PAX5: variants seen among roughly 807,000 people sequenced by gnomAD.
PAX5 encodes the protein paired box protein Pax-5.
In PAX5, 9 loss-of-function variants were observed where a neutral mutation model predicts 43.7. The observed-to-expected ratio is 0.21, with a 90% CI of 0.12 to 0.36. The LOEUF (loss-of-function observed/expected upper bound fraction) is 0.36, where lower values mean the gene tolerates loss of function less well. Ranked by LOEUF, PAX5 falls within the 10% of genes least tolerant of loss-of-function variation. The probability of loss-of-function intolerance (pLI) is 1.00; values close to 1 mark genes in which losing one functional copy is unlikely to be tolerated. For synonymous variants in PAX5, 228 were observed against 214.3 expected (o/e 1.06, Z -0.56); for missense variants, 383 against 532.7 (o/e 0.72, Z 2.77).
chr9:36,915,841 G>A (rs2131929518), intron 7 of PAX5, among the ~76,000 whole-genome samples: 1 of 152,244 alleles, frequency 6.6e-6, no homozygotes, highest in South Asian at 2.1e-4. Flanking sequence ...GGAGGCCAAG[G>A]TGAGAGAATC....
intron 8 of PAX5, among the ~76,000 whole-genome samples, chr9:36,860,120 C>T (rs1046906823): frequency 6.6e-6 from 1 of 151,540 alleles, no homozygotes; most frequent in African/African-American, 2.4e-5. Context: ...GGGTAGATCA[C>T]GAGGTCAGGA....
intron 6 of PAX5, among the ~76,000 whole-genome samples, chr9:36,931,762 T>G (rs1032354617): frequency 3.8e-4 from 58 of 150,852 alleles, no homozygotes; most frequent in African/African-American, 1.2e-3. Context: ...GGCAGGAGAA[T>G]TGCTTGAACC....
intron 7 of PAX5, among the ~76,000 whole-genome samples, chr9:36,889,941 C>CGGCG (rs1554657849): frequency 1.2e-4 from 11 of 92,178 alleles, no homozygotes; most frequent in Non-Finnish European, 1.5e-4. Context: ...TGTACACTAA[C>CGGCG]GGGGGGGGGG....
At chr9:36,876,621 T>A (rs973586504) in intron 8 of PAX5, among the ~76,000 whole-genome samples, 3 of 152,236 alleles carry the variant, frequency 2.0e-5, no homozygotes, top group African/African-American at 7.2e-5. Context: ...GTTACACCAA[T>A]CAAGACACTA....
At chr9:36,859,542 G>A (rs1344634783) in intron 8 of PAX5, among the ~76,000 whole-genome samples, 20 of 152,090 alleles carry the variant, frequency 1.3e-4, no homozygotes, top group Admixed American at 1.3e-3. Context: ...ATTCCTTTGG[G>A]GTTCTCTCTC....
intron 5 of PAX5, among the ~76,000 whole-genome samples, chr9:36,989,670 C>T (rs1836762589): frequency 6.6e-6 from 1 of 152,096 alleles, no homozygotes; most frequent in African/African-American, 2.4e-5. Context: ...GAAAGAGCTC[C>T]CTCCCCGTCT....
At chr9:36,970,227 G>C (rs373595798) in intron 5 of PAX5, among the ~76,000 whole-genome samples, 1 of 152,176 alleles carries the variant, frequency 6.6e-6, no homozygotes. Context: ...CCTGTGGGAG[G>C]AATCAGGGAA....
chr9:36,893,924 G>A (rs1256898258), intron 7 of PAX5, among the ~76,000 whole-genome samples: 5 of 152,222 alleles, frequency 3.3e-5, no homozygotes, highest in Non-Finnish European at 7.3e-5. Context: ...GGACAAACCA[G>A]TGTTTGACAA....
intron 3 of PAX5, 147 bp downstream of exon 3, chr9:37,014,850 G>A (rs985689286): frequency 1.6e-5 from 12 of 738,034 alleles, no homozygotes; most frequent in South Asian, 1.1e-4. Flanking sequence ...GACCGAGCAG[G>A]CCCCATTAGC....
At chr9:36,878,694 C>T (rs943310246) in intron 8 of PAX5, among the ~76,000 whole-genome samples, 1 of 152,142 alleles carries the variant, frequency 6.6e-6, no homozygotes, top group Admixed American at 6.5e-5. Context: ...AAAAGGTGGG[C>T]CCTCTCTGTT....
chr9:36,884,419 A>C (rs1376769963), intron 7 of PAX5, among the ~76,000 whole-genome samples: 3 of 152,244 alleles, frequency 2.0e-5, no homozygotes, highest in Non-Finnish European at 4.4e-5. Flanking sequence ...TAGAAAAGGC[A>C]TTGGCTAAAA....
At chr9:36,939,651 A>G (rs557486833) in intron 6 of PAX5, among the ~76,000 whole-genome samples, 5 of 152,344 alleles carry the variant, frequency 3.3e-5, no homozygotes, top group East Asian at 3.9e-4. Context: ...AAGTATGGCC[A>G]GCTCCTGACA....
intron 3 of PAX5, chr9:37,007,941 G>A (rs1252134772): frequency 2.6e-5 from 4 of 152,256 alleles, no homozygotes; most frequent in African/African-American, 4.8e-5. Flanking sequence ...GTATAGTGGT[G>A]CGATCTCAGT....
At chr9:37,005,147 G>A (rs1838284527) in intron 4 of PAX5, among the ~76,000 whole-genome samples, 2 of 152,138 alleles carry the variant, frequency 1.3e-5, no homozygotes, top group Admixed American at 1.3e-4. Context: ...ATTCCCCCAG[G>A]AAGCCTTCCT....
In PAX5 at chr9:36,949,154, G is replaced by A. The variant is rs577197289; in HGVS notation, c.780+17395C>T. 2.2e-4 allele frequency among the ~76,000 whole-genome samples: 34 copies of A among 152,142 alleles called. 1 individual carries two copies. In the South Asian group the frequency reaches 6.4e-3, roughly 29 times the overall value. Reference sequence around the variant, plus strand: ...TCGGCTCACTGCAACCTCTGCCTCCGGGTTCACGCCATTCTCCTGCCTCAG... The same window carrying A: ...TCGGCTCACTGCAACCTCTGCCTCCAGGTTCACGCCATTCTCCTGCCTCAG... On this transcript the variant is annotated intron_variant, in intron 6 of 9. Coordinates refer to ENST00000358127, the MANE Select transcript of PAX5 (RefSeq NM_016734.3).
chr9:36,955,387 T>C (rs1470101984), intron 6 of PAX5, among the ~76,000 whole-genome samples: 1 of 152,210 alleles, frequency 6.6e-6, no homozygotes, highest in African/African-American at 2.4e-5. Flanking sequence ...TTCACTAATA[T>C]GCCTCCAGTT....
At chr9:36,879,630 C>T (rs544264997) in intron 8 of PAX5, among the ~76,000 whole-genome samples, 3 of 152,236 alleles carry the variant, frequency 2.0e-5, no homozygotes, top group East Asian at 1.9e-4. Flanking sequence ...GCTGCACAGC[C>T]CCCCGGAAAT....
intron 7 of PAX5, among the ~76,000 whole-genome samples, chr9:36,905,633 A>G (rs1275761505): frequency 6.6e-6 from 1 of 152,180 alleles, no homozygotes; most frequent in Non-Finnish European, 1.5e-5. Context: ...ACGGGCCTGG[A>G]TAAAGGTTCC....
intron 5 of PAX5, among the ~76,000 whole-genome samples, chr9:36,975,587 G>A (rs994609234): frequency 2.0e-5 from 3 of 152,116 alleles, no homozygotes; most frequent in Non-Finnish European, 4.4e-5. Flanking sequence ...GGGTTCCACC[G>A]TGTTAGCCAG....
Sources: allele counts gnomAD v4.1 joint callset (sites outside exome capture counted in the v4.1 genomes callset), GRCh38; gene constraint gnomAD v4.1.1; transcripts MANE v1.5; gene names NCBI Gene and HGNC (gene_info 2026-07-23, HGNC 2026-07-21).